TANC1: variants seen among roughly 807,000 people sequenced by gnomAD.
The protein encoded by TANC1 is tetratricopeptide repeat, ankyrin repeat and coiled-coil containing 1.
TANC1 carries 77 observed loss-of-function variants against 149.7 expected under a neutral mutation model. The ratio of observed to expected loss-of-function variants is 0.51; its 90% CI spans 0.43 to 0.62. TANC1 has a LOEUF of 0.62. Ranked by LOEUF, TANC1 falls within the 20% of genes least tolerant of loss-of-function variation. TANC1 has a pLI of 0.00. For synonymous variants in TANC1, 854 were observed against 925.0 expected (o/e 0.92, Z 1.39); for missense variants, 1,985 against 2,321.8 (o/e 0.85, Z 2.98).
chr2:159,084,018 G>A (rs191260474), intron 3 of TANC1, among the ~76,000 whole-genome samples: 8 of 152,310 alleles, frequency 5.3e-5, no homozygotes, highest in South Asian at 4.1e-4. Context: ...TTGGGAGGCC[G>A]AGGCGGGCGG....
chr2:159,202,149 C>A (rs564211914), intron 19 of TANC1, among the ~76,000 whole-genome samples: 40 of 152,292 alleles, frequency 2.6e-4, no homozygotes, highest in Non-Finnish European at 4.1e-4. Context: ...GGAACAGCAG[C>A]CCCGTGGAGG....
chr2:159,099,189 A>G (rs1434313157), intron 4 of TANC1, among the ~76,000 whole-genome samples: 2 of 152,182 alleles, frequency 1.3e-5, no homozygotes, highest in African/African-American at 2.4e-5. Flanking sequence ...TTTACAATCC[A>G]TTAATTAGCT....
At chr2:159,122,372 C>T (rs1425576538) in intron 4 of TANC1, among the ~76,000 whole-genome samples, 3 of 152,126 alleles carry the variant, frequency 2.0e-5, no homozygotes, top group African/African-American at 7.2e-5. Flanking sequence ...GACTTGGGGA[C>T]TTCCTATAAC....
chr2:159,187,827 T>C (rs1260261152), intron 16 of TANC1, among the ~76,000 whole-genome samples: 2 of 152,204 alleles, frequency 1.3e-5, no homozygotes, highest in Non-Finnish European at 2.9e-5. Flanking sequence ...TCTATAATCA[T>C]AAGAAAGATG....
chr2:158,994,403 A>G (rs556349767), intron 1 of TANC1, among the ~76,000 whole-genome samples: 3 of 152,224 alleles, frequency 2.0e-5, no homozygotes, highest in African/African-American at 7.2e-5. Flanking sequence ...CTGAGTAGCT[A>G]GGACTACAGG....
In TANC1 at chr2:159,077,935, G is replaced by T. The variant is rs576814934; in HGVS notation, c.61+11964G>T. On this transcript the variant is annotated intron_variant, in intron 3 of 26. Coordinates refer to ENST00000263635, the MANE Select transcript of TANC1 (RefSeq NM_033394.3). ...CCACCAGTAATATAAGAGAATACTT[G>T]TTTTTTCATATCCTTAGGTTATGAT... Among the ~76,000 whole-genome samples the T allele has an allele frequency of 1.2e-4, 18 of 152,224 alleles. No homozygotes were observed. In the South Asian group the frequency reaches 3.7e-3, roughly 32 times the overall value.
At chr2:159,143,072 A>AC (rs369563340) in intron 5 of TANC1, among the ~76,000 whole-genome samples, 3,010 of 116,730 alleles carry the variant, frequency 0.026, 123 homozygotes, top group Non-Finnish European at 0.042. Flanking sequence ...CAAAAAAAAA[A>AC]AAAAAACAAC....
intron 2 of TANC1, among the ~76,000 whole-genome samples, chr2:159,029,799 G>A (rs566638944): frequency 6.6e-6 from 1 of 152,212 alleles, no homozygotes; most frequent in Admixed American, 6.5e-5. Context: ...AGTCTCAAGT[G>A]ATCCTCCTGC....
At chr2:159,196,220 A>G (rs17494056) in intron 17 of TANC1, among the ~76,000 whole-genome samples, 2 of 152,020 alleles carry the variant, frequency 1.3e-5, no homozygotes, top group Admixed American at 1.3e-4. Flanking sequence ...CCTTCAAATT[A>G]TAGCTTGTCA....
chr2:159,195,778 G>A (rs567311291), intron 17 of TANC1, among the ~76,000 whole-genome samples: 144 of 152,292 alleles, frequency 9.5e-4, no homozygotes, highest in African/African-American at 3.3e-3. Flanking sequence ...AGGCCAGCAG[G>A]CCTCCCCCCA....
chr2:159,102,867 C>T (rs186598776), intron 4 of TANC1, among the ~76,000 whole-genome samples: 1,126 of 95,190 alleles, frequency 0.012, 19 homozygotes, highest in African/African-American at 0.034. Flanking sequence ...TACAGGCACC[C>T]ACCACCACGC....
intron 4 of TANC1, among the ~76,000 whole-genome samples, chr2:159,130,708 C>T (rs1204951071): frequency 6.6e-6 from 1 of 152,084 alleles, no homozygotes; most frequent in Non-Finnish European, 1.5e-5. Context: ...GGCGTTTCTT[C>T]TTTTCTCTCA....
At chr2:159,095,174 C>T (rs1489223361) in intron 3 of TANC1, among the ~76,000 whole-genome samples, 1 of 152,104 alleles carries the variant, frequency 6.6e-6, no homozygotes, top group African/African-American at 2.4e-5. Context: ...TCTCGAACTC[C>T]TGACCTCGTG....
intron 3 of TANC1, among the ~76,000 whole-genome samples, chr2:159,071,032 C>T (rs139045407): frequency 7.8e-4 from 118 of 152,256 alleles, no homozygotes; most frequent in African/African-American, 2.7e-3. Flanking sequence ...TTTGTCCTTA[C>T]TCTGGAAGCA....
chr2:159,051,846 A>G (rs781410218), intron 2 of TANC1, among the ~76,000 whole-genome samples: 7 of 152,182 alleles, frequency 4.6e-5, no homozygotes, highest in Non-Finnish European at 1.0e-4. Flanking sequence ...TAGTCTAGAA[A>G]GAGTATTGCG....
At chr2:159,131,780 A>G (rs1225882132) in intron 4 of TANC1, among the ~76,000 whole-genome samples, 1 of 152,206 alleles carries the variant, frequency 6.6e-6, no homozygotes, top group Non-Finnish European at 1.5e-5. Flanking sequence ...AATAAAACCT[A>G]TGGTTATAAA....
At chr2:159,164,321 GTA>G (rs1261089769) in intron 8 of TANC1, among the ~76,000 whole-genome samples, 2 of 152,170 alleles carry the variant, frequency 1.3e-5, no homozygotes, top group South Asian at 2.1e-4. Context: ...TATTTACATT[GTA>G]TTAGGTATTA....
intron 3 of TANC1, among the ~76,000 whole-genome samples, chr2:159,083,726 A>C (rs1222893568): frequency 6.6e-6 from 1 of 152,242 alleles, no homozygotes; most frequent in Non-Finnish European, 1.5e-5. Context: ...TGAATGAAGT[A>C]AGTAATTCAC....
intron 19 of TANC1, among the ~76,000 whole-genome samples, chr2:159,200,540 G>A (rs1312921473): frequency 6.6e-6 from 1 of 152,224 alleles, no homozygotes; most frequent in East Asian, 1.9e-4. Flanking sequence ...GAAAATTCCA[G>A]AGAAGGGCTG....
Sources: gnomAD v4.1 joint callset for allele counts (sites outside exome capture counted in the v4.1 genomes callset) on GRCh38, gnomAD v4.1.1 for gene constraint, MANE v1.5 for transcripts, NCBI Gene and HGNC (gene_info 2026-07-23, HGNC 2026-07-21) for gene names.